The following ZBTB20 variants were observed in gnomAD, a reference collection of about 807,000 sequenced individuals.
The protein encoded by ZBTB20 is zinc finger and BTB domain-containing protein 20.
Under a neutral mutation model 56.9 loss-of-function variants are expected in ZBTB20, and 9 were observed. That is an observed-to-expected ratio of 0.16 (90% confidence interval 0.10 to 0.28). ZBTB20 has a LOEUF of 0.28. Ranked by LOEUF, ZBTB20 falls within the 10% of genes least tolerant of loss-of-function variation. ZBTB20 has a pLI of 1.00. For synonymous variants in ZBTB20, 417 were observed against 420.7 expected (o/e 0.99, Z 0.11); for missense variants, 655 against 1,003.0 (o/e 0.65, Z 4.69).
intron 2 of ZBTB20, among the ~76,000 whole-genome samples, chr3:115,049,356 A>G (rs1001809433): frequency 2.0e-5 from 3 of 152,172 alleles, no homozygotes; most frequent in Admixed American, 2.0e-4. Flanking sequence ...ACAAGTATTG[A>G]CTAAATAAAG....
intron 1 of ZBTB20, among the ~76,000 whole-genome samples, chr3:115,080,230 T>G (rs1266417120): frequency 6.6e-6 from 1 of 152,102 alleles, no homozygotes; most frequent in Non-Finnish European, 1.5e-5. Flanking sequence ...AAGAAGGTCT[T>G]CACCAGAACT....
chr3:114,878,014 C>G (rs1282858740), intron 4 of ZBTB20, among the ~76,000 whole-genome samples: 2 of 151,884 alleles, frequency 1.3e-5, no homozygotes, highest in Non-Finnish European at 2.9e-5. Flanking sequence ...TTTAACATAC[C>G]ATTTAAAAGG....
chr3:114,370,326 A>G (rs751025135), intron 10 of ZBTB20, among the ~76,000 whole-genome samples: 18 of 152,164 alleles, frequency 1.2e-4, no homozygotes, highest in African/African-American at 3.9e-4. Flanking sequence ...TTTCCCATTT[A>G]TCCTATGTTT....
intron 7 of ZBTB20, among the ~76,000 whole-genome samples, chr3:114,478,507 T>C (rs1488175249): frequency 1.3e-5 from 2 of 152,246 alleles, no homozygotes; most frequent in African/African-American, 4.8e-5. Context: ...GAAAAACTAA[T>C]AGCTATCATG....
intron 4 of ZBTB20, among the ~76,000 whole-genome samples, chr3:114,880,531 C>A (rs935359872): frequency 1.3e-5 from 2 of 152,014 alleles, no homozygotes; most frequent in African/African-American, 4.8e-5. Context: ...GTATCAAAAC[C>A]CTTAAAATAC....
At chr3:114,603,973 C>A (rs1027206692) in intron 6 of ZBTB20, among the ~76,000 whole-genome samples, 1 of 151,866 alleles carries the variant, frequency 6.6e-6, no homozygotes, top group East Asian at 1.9e-4. Flanking sequence ...CAACTCCTGT[C>A]GAGATCAATT....
intron 7 of ZBTB20, among the ~76,000 whole-genome samples, chr3:114,468,446 T>G (rs2092634198): frequency 6.6e-6 from 1 of 152,194 alleles, no homozygotes; most frequent in Non-Finnish European, 1.5e-5. Flanking sequence ...TTTCTGATAC[T>G]GCTTTGACAC....
At chr3:114,695,343 G>A (rs998639087) in intron 5 of ZBTB20, among the ~76,000 whole-genome samples, 1 of 151,792 alleles carries the variant, frequency 6.6e-6, no homozygotes, top group African/African-American at 2.4e-5. Flanking sequence ...AGAAAAATGA[G>A]AAACAGCTAA....
intron 2 of ZBTB20, among the ~76,000 whole-genome samples, chr3:115,043,762 T>C (rs778289321): frequency 2.6e-5 from 4 of 152,124 alleles, no homozygotes; most frequent in Non-Finnish European, 4.4e-5. Context: ...TTCCTTGCAC[T>C]CATAAGCCCT....
chr3:115,022,892 C>T lies in ZBTB20; in HGVS notation c.-507+48327G>A, dbSNP rs543894088. 2.5e-4 allele frequency among the ~76,000 whole-genome samples: 37 copies of T among 150,984 alleles called. No individual in the cohort carries two copies. The South Asian group carries it at 7.5e-3, about 30-fold the overall frequency. On this transcript the variant is annotated intron_variant, in intron 2 of 11. Transcript: ENST00000675478. ...ATTTGGATGTTTAACTTTTGGATAT[C>T]TGATATGTATTTTCCATTCAGTGCA...
At chr3:114,689,626 C>T (rs1204323674) in intron 6 of ZBTB20, among the ~76,000 whole-genome samples, 3 of 151,588 alleles carry the variant, frequency 2.0e-5, no homozygotes, top group Non-Finnish European at 2.9e-5. Flanking sequence ...GAAGCAAATG[C>T]TATCATTAAT....
At chr3:114,765,291 G>T (rs1361684645) in intron 5 of ZBTB20, among the ~76,000 whole-genome samples, 1 of 152,060 alleles carries the variant, frequency 6.6e-6, no homozygotes, top group Non-Finnish European at 1.5e-5. Context: ...TGGAAATAGG[G>T]TCCCTAATTA....
intron 1 of ZBTB20, among the ~76,000 whole-genome samples, chr3:115,142,659 C>CAAAAAAAAAAAAA (rs535455119): frequency 9.3e-6 from 1 of 107,824 alleles, no homozygotes. Context: ...AAGACTCCAT[C>CAAAAAAAAAAAAA]AAAAAAAAAA....
chr3:114,346,376 A>G (rs558116592), intron 11 of ZBTB20, among the ~76,000 whole-genome samples: 1 of 152,074 alleles, frequency 6.6e-6, no homozygotes, highest in East Asian at 1.9e-4. Context: ...GCCTCTTCTG[A>G]AAAGCTCTCA....
intron 11 of ZBTB20, among the ~76,000 whole-genome samples, chr3:114,345,262 G>A (rs1433150384): frequency 3.3e-5 from 5 of 152,128 alleles, no homozygotes; most frequent in East Asian, 1.9e-4. Flanking sequence ...GTATATATAC[G>A]TGTGTGAAAT....
rs1460385461 is a variant in ZBTB20, at chr3:114,314,838, T to C, written c.*24167A>G. On this transcript the variant is annotated 3_prime_UTR_variant, in exon 12 of 12. Transcript: ENST00000675478. ...AGCGCTACAGTTAATTTTTCTTTTT[T>C]TGAATGTTTTTTTTCCTGTTTAAAT... 1 of 152,062 alleles carries C rather than the reference T, an allele frequency of 6.6e-6. No individual in the cohort carries two copies. The highest frequency in any genetic ancestry group is 1.5e-5 in the Non-Finnish European group (1 of 68,016). The allele number at this position is 152,062 out of a possible 1,614,324, so 9.4% of individuals were successfully genotyped here. A position where few individuals can be genotyped will look rare whatever the true frequency, so the allele number is the denominator to read the frequency against.
chr3:114,906,310 T>C lies in ZBTB20; in HGVS notation c.-455-5968A>G, dbSNP rs145186223. Among the ~76,000 whole-genome samples, 248 of 151,932 alleles carry C rather than the reference T, an allele frequency of 1.6e-3. 7 individuals are homozygous for C. In the East Asian group the frequency reaches 0.046, roughly 28 times the overall value. ...TTTTCATTTGAACTCTGTGGAAGCC[T>C]TGATGATGTAGAAAATCTTTTATTG... On this transcript the variant is annotated intron_variant, in intron 3 of 11. Coordinates refer to ENST00000675478, the MANE Select transcript of ZBTB20 (RefSeq NM_001348800.3).
chr3:114,975,788 TG>T (rs1336283988), intron 2 of ZBTB20, among the ~76,000 whole-genome samples: 1 of 152,218 alleles, frequency 6.6e-6, no homozygotes, highest in Non-Finnish European at 1.5e-5. Context: ...AAAATTAATT[TG>T]GTAACTACAT....
intron 1 of ZBTB20, among the ~76,000 whole-genome samples, chr3:115,101,198 GGAT>G (rs1268060219): frequency 3.3e-5 from 5 of 152,128 alleles, no homozygotes; most frequent in African/African-American, 4.8e-5. Context: ...ATCACAATCA[GGAT>G]GATATTTCAT....
Sources: allele counts gnomAD v4.1 joint callset (sites outside exome capture counted in the v4.1 genomes callset), GRCh38; gene constraint gnomAD v4.1.1; transcripts MANE v1.5; gene names NCBI Gene and HGNC (gene_info 2026-07-23, HGNC 2026-07-21).